Variants in RTCA observed in about 807,000 individuals in gnomAD.
RTCA encodes RNA 3'-terminal phosphate cyclase.
RTCA carries 37 observed loss-of-function variants against 46.1 expected under a neutral mutation model. The observed-to-expected ratio is 0.80, with a 90% CI of 0.62 to 1.06. RTCA has a LOEUF of 1.06. RTCA is among the 50% of genes least tolerant of loss of function. The pLI, the probability that RTCA is intolerant of heterozygous loss-of-function variation, is 0.00. For missense variants in RTCA, 435 were observed against 455.5 expected, an observed-to-expected ratio of 0.95 and a Z score of 0.41; for synonymous variants, 164 against 158.3, an observed-to-expected ratio of 1.04 and a Z score of -0.27.
intron 10 of RTCA, among the ~76,000 whole-genome samples, chr1:100,289,703 G>C (rs1667246833): frequency 6.6e-6 from 1 of 152,054 alleles, no homozygotes; most frequent in African/African-American, 2.4e-5. Flanking sequence ...ACATATAGTA[G>C]ATGCTTACTT....
At chr1:100,276,130 C>T (rs953312077) in intron 7 of RTCA, among the ~76,000 whole-genome samples, 1 of 152,066 alleles carries the variant, frequency 6.6e-6, no homozygotes, top group African/African-American at 2.4e-5. Flanking sequence ...CCACTGTGCC[C>T]AGCCTCAGTT....
In RTCA at chr1:100,279,614, AT is replaced by A. The variant is rs60866682; in HGVS notation, c.799+2311del. 4.9e-4 allele frequency among the ~76,000 whole-genome samples: 72 copies of A among 147,494 alleles called. No individual in the cohort carries two copies. The South Asian group carries it at 5.6e-3, about 11-fold the overall frequency. ...ACATGGCAAGATTCCATCTCTTAAA[AT>A]TTTTTTTTTTTTAAGTAGCCCCATA... On this transcript the variant is annotated intron_variant, in intron 8 of 10. Transcript: ENST00000370128.
At chr1:100,275,829 G>GTATTTATT in intron 7 of RTCA, 106 bp downstream of exon 7, 1 of 985,390 alleles carries the variant, frequency 1.0e-6, no homozygotes, top group Non-Finnish European at 1.4e-6. Flanking sequence ...GTTTTAAGAA[G>GTATTTATT]TATTTATTTA....
intron 7 of RTCA, 65 bp downstream of exon 7, chr1:100,275,788 A>G (rs1666336769): frequency 7.2e-7 from 1 of 1,383,124 alleles, no homozygotes; most frequent in Non-Finnish European, 9.8e-7. Flanking sequence ...ATTAAATTAA[A>G]GATTTTTAGG....
chr1:100,289,122 CCTTT>C (rs1570894051), intron 10 of RTCA, among the ~76,000 whole-genome samples: 1 of 151,886 alleles, frequency 6.6e-6, no homozygotes, highest in Admixed American at 6.6e-5. Context: ...CCGCGCCTGG[CCTTT>C]CTTTTTTTTT....
chr1:100,277,086 G>A (rs1666433822), intron 7 of RTCA, among the ~76,000 whole-genome samples, 172 bp from the exon 8 acceptor site: 5 of 152,176 alleles, frequency 3.3e-5, no homozygotes, highest in Admixed American at 3.3e-4. Flanking sequence ...CTACTGGTCT[G>A]ATTAAGATAG....
intron 8 of RTCA, among the ~76,000 whole-genome samples, chr1:100,284,017 G>A (rs1194568722): frequency 2.0e-5 from 3 of 150,410 alleles, no homozygotes; most frequent in Non-Finnish European, 4.4e-5. Context: ...TCCACTTTGG[G>A]GAAAATTTTA....
chr1:100,277,580 T>C (rs1050835574), intron 8 of RTCA, among the ~76,000 whole-genome samples: 5 of 152,176 alleles, frequency 3.3e-5, no homozygotes, highest in African/African-American at 1.2e-4. Flanking sequence ...GTTATGAACA[T>C]TTAGTTTGTT....
chr1:100,286,287 C>G lies in RTCA; in HGVS notation c.895-812C>G, dbSNP rs534778674. Among the ~76,000 whole-genome samples the G allele has an allele frequency of 5.0e-4, 76 of 151,860 alleles. 2 individuals carry two copies. Among genetic ancestry groups the G allele is most frequent in the Admixed American group, 3.5e-3 (53 of 15,242 alleles). On this transcript the variant is annotated intron_variant, in intron 9 of 10. Transcript: ENST00000370128. ...CTAACACGGTGAAACCCCGTCTCTA[C>G]TGAAAAAATACAAAAAATTAGCCGG...
At chr1:100,275,161 A>G (rs770904108) in intron 6 of RTCA, among the ~76,000 whole-genome samples, 196 bp downstream of exon 6, 3 of 152,230 alleles carry the variant, frequency 2.0e-5, no homozygotes, top group African/African-American at 7.2e-5. Context: ...CAAATACCAC[A>G]TGTTCTCATA....
rs551938654 is a variant in RTCA at position 100,271,472 on chromosome 1, A to G, written c.414+792A>G. 2.0e-5 allele frequency among the ~76,000 whole-genome samples: 3 copies of G among 152,206 alleles called. No homozygotes were observed. The East Asian group carries it at 5.8e-4, about 29-fold the overall frequency. On this transcript the variant is annotated intron_variant, in intron 4 of 10. Transcript: ENST00000370128. ...TAAAGCAAGATGCTGTCTTTAAAAA[A>G]ACAAAAAACACCTCGAGTGTGATAT...
At chr1:100,279,037 C>A (rs1427244415) in intron 8 of RTCA, among the ~76,000 whole-genome samples, 2 of 152,136 alleles carry the variant, frequency 1.3e-5, no homozygotes, top group Admixed American at 6.5e-5. Context: ...ATATTAGGTG[C>A]AGTGAGGAAT....
chr1:100,284,084 T>G (rs941064990), intron 8 of RTCA, among the ~76,000 whole-genome samples: 6 of 152,014 alleles, frequency 3.9e-5, no homozygotes, highest in African/African-American at 1.4e-4. Flanking sequence ...TAACCACATT[T>G]TCATTTTTCA....
In RTCA at chr1:100,273,337, C is replaced by T. The variant is rs532558087; in HGVS notation, c.415-57C>T. Reference sequence around the variant, plus strand: ...AAAGCGCTTTTGTTTAATAAATACACTTGTTAAATTAGTGAATATTGCTGA... The same window carrying T: ...AAAGCGCTTTTGTTTAATAAATACATTTGTTAAATTAGTGAATATTGCTGA... On this transcript the variant is annotated intron_variant, in intron 4 of 10. Transcript: ENST00000370128. 304 of 1,151,760 alleles carry T rather than the reference C, an allele frequency of 2.6e-4. 2 individuals are homozygous for T. The highest frequency in any genetic ancestry group is 7.1e-4 in the Admixed American group (30 of 42,340). 71.3% of individuals were successfully genotyped at this position (1,151,760 alleles called of 1,614,324 possible).
At chr1:100,286,500 C>T (rs995517892) in intron 9 of RTCA, among the ~76,000 whole-genome samples, 2 of 149,666 alleles carry the variant, frequency 1.3e-5, no homozygotes, top group African/African-American at 4.9e-5. Flanking sequence ...AAACTTAGCA[C>T]GTTCACTCAC....
At chr1:100,269,449 C>T (rs772482081) in intron 3 of RTCA, among the ~76,000 whole-genome samples, 5 of 148,328 alleles carry the variant, frequency 3.4e-5, no homozygotes, top group South Asian at 2.1e-4. Context: ...TGGGCTCAGG[C>T]GATTCTCCTA....
chr1:100,288,815 TTTTTC>T (rs149885135), intron 10 of RTCA, among the ~76,000 whole-genome samples: 2,650 of 152,150 alleles, frequency 0.017, 85 homozygotes, highest in African/African-American at 0.061. Flanking sequence ...ATGATGATCC[TTTTTC>T]TTTTCTTTTT....
chr1:100,267,394 A>G (rs1665844173), intron 2 of RTCA: 1 of 1,219,682 alleles, frequency 8.2e-7, no homozygotes, highest in South Asian at 2.8e-5. Context: ...CAACAGGGGA[A>G]TCCAATTCAT....
chr1:100,269,947 T>C lies in RTCA; in HGVS notation c.291-610T>C, dbSNP rs144727514. On this transcript the variant is annotated intron_variant, in intron 3 of 10. Coordinates refer to ENST00000370128, the MANE Select transcript of RTCA (RefSeq NM_003729.4). ...TGAGAACATGCAGCGTTTGCTTTTC[T>C]GTTCCTATGTTAGTTTACTGAGAAT... Among the ~76,000 whole-genome samples the C allele has an allele frequency of 1.1e-3, 166 of 152,368 alleles. 1 individual carries two copies. Among genetic ancestry groups the C allele is most frequent in the Middle Eastern group, 3.4e-3 (1 of 294 alleles).
Sources: gnomAD v4.1 joint callset for allele counts (sites outside exome capture counted in the v4.1 genomes callset) on GRCh38, gnomAD v4.1.1 for gene constraint, MANE v1.5 for transcripts, NCBI Gene and HGNC (gene_info 2026-07-23, HGNC 2026-07-21) for gene names.